The following DIP2C variants were observed in gnomAD, a reference collection of about 807,000 sequenced individuals.
The protein encoded by DIP2C is DIP2 acetate--CoA ligase C (putative), also known as disco-interacting protein 2 homolog C.
DIP2C carries 33 observed loss-of-function variants against 192.4 expected under a neutral mutation model. The observed-to-expected ratio is 0.17, with a 90% CI of 0.13 to 0.23. DIP2C has a LOEUF of 0.23. Among genes scored for constraint, DIP2C ranks in the 10% least tolerant of loss-of-function variants. The probability of loss-of-function intolerance (pLI) is 1.00; values close to 1 mark genes in which losing one functional copy is unlikely to be tolerated. For synonymous variants in DIP2C, 979 were observed against 864.1 expected (o/e 1.13, Z -2.33); for missense variants, 1,537 against 2,110.1 (o/e 0.73, Z 5.32).
chr10:419,368 G>A (rs1285241503), intron 5 of DIP2C, among the ~76,000 whole-genome samples, 169 bp from the exon 6 acceptor site: 1 of 152,188 alleles, frequency 6.6e-6, no homozygotes, highest in African/African-American at 2.4e-5. Context: ...AGCACAAAGG[G>A]GGACCCCAGC....
intron 24 of DIP2C, among the ~76,000 whole-genome samples, chr10:355,942 G>A (rs896971704): frequency 3.3e-5 from 5 of 152,190 alleles, no homozygotes; most frequent in African/African-American, 4.8e-5. Context: ...TTAGCCAGAT[G>A]TGGTGGTGGG....
In DIP2C at chr10:384,142, T is replaced by C; in HGVS notation, c.1761A>G (p.Lys587=). 1 of 1,609,270 alleles carries C rather than the reference T, an allele frequency of 6.2e-7. No individual in the cohort carries two copies. The highest frequency in any genetic ancestry group is 8.5e-7 in the Non-Finnish European group (1 of 1,179,030). Residue 587 remains lysine (K), a synonymous_variant, in exon 16 of 37, where the codon AAA becomes AAG. Transcript: ENST00000280886. ...WIQKVCQYKA[K]VACVKSRDMH... is the part of the protein sequence containing the mutation. ...TATCCCTCGATTTCACACACGCCAC[T>C]TTTGCTAAAAAGAAAAATAGAAATA...
chr10:344,801 C>A lies in DIP2C; in HGVS notation c.3453+8G>T. ...TCCATGGCCACCGCCCGCAGCCACC[C>A]CCCTCACCTTTACGCCAGCTAGCAT... On this transcript the variant is annotated splice_region_variant and intron_variant, in intron 28 of 36. Coordinates refer to ENST00000280886, the MANE Select transcript of DIP2C (RefSeq NM_014974.3). 1 of 1,576,866 alleles carries A rather than the reference C, an allele frequency of 6.3e-7. No individual in the cohort carries two copies. The highest frequency in any genetic ancestry group is 8.6e-7 in the Non-Finnish European group (1 of 1,161,734).
At chr10:610,475 T>C (rs1588597229) in intron 1 of DIP2C, among the ~76,000 whole-genome samples, 1 of 152,292 alleles carries the variant, frequency 6.6e-6, no homozygotes. Flanking sequence ...GAAAAGAAAA[T>C]GTTTAAAGTG....
At chr10:414,634 G>A (rs1319159402) in intron 7 of DIP2C, among the ~76,000 whole-genome samples, 2 of 149,898 alleles carry the variant, frequency 1.3e-5, no homozygotes, top group East Asian at 4.0e-4. Context: ...TTCAGCCTCT[G>A]CTACAGTCCT....
At chr10:389,934 G>T (rs1019198619) in intron 13 of DIP2C, 57 bp downstream of exon 13, 3 of 1,386,874 alleles carry the variant, frequency 2.2e-6, no homozygotes, top group Non-Finnish European at 2.0e-6. Context: ...TGTGGCCTTC[G>T]TGTCAGGTGT....
At chr10:387,373 G>A (rs1963042713) in intron 14 of DIP2C, among the ~76,000 whole-genome samples, 1 of 152,216 alleles carries the variant, frequency 6.6e-6, no homozygotes. Flanking sequence ...AGTGTGGCAG[G>A]AAGCAGCTTG....
chr10:642,017 T>C (rs1277706152), intron 1 of DIP2C, among the ~76,000 whole-genome samples: 1 of 152,068 alleles, frequency 6.6e-6, no homozygotes, highest in Non-Finnish European at 1.5e-5. Context: ...GGCGAGACCC[T>C]GTATCAAAAA....
rs1588372469 is a variant in DIP2C at position 519,455 on chromosome 10, G to C, written c.86-32925C>G. 2.0e-5 allele frequency among the ~76,000 whole-genome samples: 3 copies of C among 152,216 alleles called. No individual in the cohort carries two copies. The East Asian group carries it at 5.8e-4, about 29-fold the overall frequency. On this transcript the variant is annotated intron_variant, in intron 1 of 36. Transcript: ENST00000280886. ...GTTTCCTGAGTGCTGACCCCGCGTG[G>C]TATTGGATATGGCAATAAGGCAGGA...
chr10:475,964 G>A (rs761353271), intron 2 of DIP2C, among the ~76,000 whole-genome samples: 20 of 152,180 alleles, frequency 1.3e-4, no homozygotes, highest in Admixed American at 2.0e-4. Flanking sequence ...TCACTAAGAC[G>A]CATGACTGCA....
Position 422,585 on chromosome 10 carries a change from G to A in DIP2C, c.604+239C>T, listed in dbSNP as rs928253559. ...ATAAGTGAGAAGAAAAGATGGGAGC[G>A]GATACGGCTGCAGGATTCCCCAGGA... On this transcript the variant is annotated intron_variant, in intron 5 of 36. Coordinates refer to ENST00000280886, the MANE Select transcript of DIP2C (RefSeq NM_014974.3). Among the ~76,000 whole-genome samples, 6 of 152,146 alleles carry A rather than the reference G, an allele frequency of 3.9e-5. 1 individual carries two copies. The East Asian group carries it at 5.8e-4, about 15-fold the overall frequency.
chr10:570,532 T>C (rs1849725650), intron 1 of DIP2C, among the ~76,000 whole-genome samples: 2 of 152,174 alleles, frequency 1.3e-5, no homozygotes, highest in African/African-American at 4.8e-5. Context: ...GCCTGCGCTC[T>C]TCCATCCAGC....
intron 1 of DIP2C, among the ~76,000 whole-genome samples, chr10:580,729 TA>T (rs1214147259): frequency 6.6e-6 from 1 of 151,830 alleles, no homozygotes; most frequent in Non-Finnish European, 1.5e-5. Flanking sequence ...CAGTTCCACA[TA>T]ATTTTTTTTT....
At chr10:621,290 C>A (rs1226851655) in intron 1 of DIP2C, among the ~76,000 whole-genome samples, 2 of 150,080 alleles carry the variant, frequency 1.3e-5, no homozygotes, top group African/African-American at 4.9e-5. Flanking sequence ...ACGCTCTGTA[C>A]ACATCTGTCC....
intron 1 of DIP2C, among the ~76,000 whole-genome samples, chr10:556,076 GCACC>G (rs1235793498): frequency 6.9e-6 from 1 of 145,524 alleles, no homozygotes; most frequent in Non-Finnish European, 1.5e-5. Context: ...TCCCAGGACA[GCACC>G]CACCCACCCC....
intron 7 of DIP2C, among the ~76,000 whole-genome samples, chr10:414,711 G>A (rs944820707): frequency 4.4e-5 from 3 of 68,646 alleles, no homozygotes; most frequent in Non-Finnish European, 8.2e-5. Context: ...GTATGTATGT[G>A]TGTGTGTGTG....
intron 1 of DIP2C, among the ~76,000 whole-genome samples, chr10:682,148 C>T (rs541283513): frequency 3.2e-4 from 49 of 152,222 alleles, no homozygotes; most frequent in Admixed American, 1.0e-3. Flanking sequence ...CAGCTCTTCC[C>T]AGAGCAACGG....
In DIP2C at chr10:407,605, G is replaced by T. The variant is rs117907506; in HGVS notation, c.1149+1321C>A. ...TTGCCAACACGTGCCCTTTTCAGTA[G>T]TTTAGTAATTGCCGTGCTTCTCGGT... On this transcript the variant is annotated intron_variant, in intron 9 of 36. Transcript: ENST00000280886. Among the ~76,000 whole-genome samples the T allele has an allele frequency of 6.0e-3, 909 of 152,228 alleles. 3 individuals carry two copies. Among genetic ancestry groups the T allele is most frequent in the Middle Eastern group, 0.014 (4 of 294 alleles).
intron 17 of DIP2C, among the ~76,000 whole-genome samples, chr10:375,930 C>G (rs963781774): frequency 1.3e-5 from 2 of 152,278 alleles, no homozygotes; most frequent in East Asian, 3.9e-4. Flanking sequence ...TTAGCAACAA[C>G]GGCACATTTA....
Sources: allele counts gnomAD v4.1 joint callset (sites outside exome capture counted in the v4.1 genomes callset), GRCh38; gene constraint gnomAD v4.1.1; transcripts MANE v1.5; gene names NCBI Gene and HGNC (gene_info 2026-07-23, HGNC 2026-07-21).